The following ITGB8 variants were observed in gnomAD, a reference collection of about 807,000 sequenced individuals.
ITGB8 encodes integrin beta-8.
A neutral mutation model predicts 89.5 loss-of-function variants in ITGB8; 30 were observed. That is an observed-to-expected ratio of 0.34 (90% CI 0.25 to 0.45). The LOEUF is 0.45. Ranked by LOEUF, ITGB8 falls within the 20% of genes least tolerant of loss-of-function variation. The pLI is 1.00. For synonymous variants in ITGB8, 335 were observed against 320.4 expected (o/e 1.05, Z -0.49); for missense variants, 836 against 933.3 (o/e 0.90, Z 1.36).
chr7:20,401,623 A>C (rs547339610), intron 9 of ITGB8, 98 bp from the exon 10 acceptor site: 9 of 677,522 alleles, frequency 1.3e-5, no homozygotes, highest in Non-Finnish European at 2.0e-5. Flanking sequence ...AATTTCTCTA[A>C]GATGGTTTCT....
intron 3 of ITGB8, among the ~76,000 whole-genome samples, chr7:20,371,253 A>G (rs972732714): frequency 6.6e-6 from 1 of 152,208 alleles, no homozygotes; most frequent in African/African-American, 2.4e-5. Context: ...ATCCTTCTCA[A>G]AAGTATACAT....
At chr7:20,401,271 G>A (rs367984358) in intron 9 of ITGB8, among the ~76,000 whole-genome samples, 8 of 152,008 alleles carry the variant, frequency 5.3e-5, no homozygotes, top group Admixed American at 1.3e-4. Flanking sequence ...GAGCCACCAC[G>A]CCAGGCCTCA....
At position 20,406,070 on chromosome 7, in the gene ITGB8, T is replaced by C. The variant is rs1254991736; in HGVS notation, c.1922T>C (p.Met641Thr). The C allele has an allele frequency of 6.3e-7, 1 of 1,595,574 alleles. No homozygotes were observed. The highest frequency in any genetic ancestry group is 8.6e-7 in the Non-Finnish European group (1 of 1,163,138). ...YTACKENWNC[M>T]QCLHPHNLSQ... ...TCTGTTTCCCCTTGCAGGAATTGTA[T>C]GCAATGCCTTCACCCTCACAATTTG... The change falls in exon 12 of 14, where the codon ATG becomes ACG. Residue 641 changes from methionine to threonine, a missense_variant. Met to Thr is a moderately conservative substitution (Grantham distance 81). Coordinates refer to ENST00000222573, the MANE Select transcript of ITGB8 (RefSeq NM_002214.3).
chr7:20,379,051 G>A lies in ITGB8; in HGVS notation c.389G>A (p.Gly130Glu), dbSNP rs1786267950. 1 of 1,582,312 alleles carries A rather than the reference G, an allele frequency of 6.3e-7. No individual in the cohort carries two copies. The highest frequency in any genetic ancestry group is 1.8e-5 in the Admixed American group (1 of 54,588). The change falls in exon 4 of 14, where the codon GGA becomes GAA. Residue 130 changes from glycine (G) to glutamate (E), a missense_variant and splice_region_variant. By Grantham distance (98) the Gly-to-Glu change is moderately conservative. This residue lies in a region of ITGB8 where 182 missense variants were observed against 177.0 expected (regional missense o/e 1.03). Coordinates refer to ENST00000222573, the MANE Select transcript of ITGB8 (RefSeq NM_002214.3). ...TGATGTTTTTCTTCTATTGAACTAG[G>A]AGCCGAAGCTAATTTTATGCTGAAA... Reference protein sequence around the residue: ...PGEVSIQLRPGAEANFMLKVH... With the variant: ...PGEVSIQLRPEAEANFMLKVH...
intron 6 of ITGB8, among the ~76,000 whole-genome samples, chr7:20,389,475 G>C (rs1220774342): frequency 6.6e-6 from 1 of 152,170 alleles, no homozygotes; most frequent in Admixed American, 6.5e-5. Flanking sequence ...TTGGAAAGGG[G>C]AAGAGATTAA....
At chr7:20,342,845 C>T (rs754399139) in intron 1 of ITGB8, among the ~76,000 whole-genome samples, 1 of 152,102 alleles carries the variant, frequency 6.6e-6, no homozygotes, top group Non-Finnish European at 1.5e-5. Context: ...GTCATTTGTT[C>T]GCAAGTACGG....
At chr7:20,366,593 C>T (rs372119410) in intron 2 of ITGB8, 2 of 157,860 alleles carry the variant, frequency 1.3e-5, no homozygotes, top group Non-Finnish European at 2.8e-5. Flanking sequence ...GGTAAAACCC[C>T]ATCTCTACAA....
chr7:20,392,674 T>C (rs1786911587), intron 7 of ITGB8, among the ~76,000 whole-genome samples: 1 of 152,136 alleles, frequency 6.6e-6, no homozygotes, highest in African/African-American at 2.4e-5. Context: ...TCCACCCCAC[T>C]CCCAGGCCCT....
chr7:20,386,230 A>C (rs945458615), intron 6 of ITGB8, among the ~76,000 whole-genome samples: 8 of 134,512 alleles, frequency 5.9e-5, no homozygotes, highest in African/African-American at 2.3e-4. Context: ...CAAATTGTAA[A>C]CACTATGAGA....
At chr7:20,340,511 T>A (rs766242913) in intron 1 of ITGB8, among the ~76,000 whole-genome samples, 5 of 152,236 alleles carry the variant, frequency 3.3e-5, no homozygotes, top group Non-Finnish European at 7.3e-5. Context: ...AATGTTTTGG[T>A]GTTTTCCATG....
chr7:20,403,138 T>C (rs1378623352), intron 10 of ITGB8, among the ~76,000 whole-genome samples: 1 of 152,250 alleles, frequency 6.6e-6, no homozygotes, highest in East Asian at 1.9e-4. Context: ...TGGAAAATTG[T>C]CTTTTTATTC....
intron 8 of ITGB8, 26 bp from the exon 9 acceptor site, chr7:20,398,834 G>C: frequency 6.6e-7 from 1 of 1,508,564 alleles, no homozygotes; most frequent in Non-Finnish European, 8.9e-7. Flanking sequence ...ACTCTCGTAT[G>C]TAATTTAAAA....
intron 11 of ITGB8, 109 bp from the exon 12 acceptor site, chr7:20,405,953 T>TTTGAA: frequency 1.5e-6 from 1 of 654,048 alleles, no homozygotes; most frequent in Non-Finnish European, 2.7e-6. Flanking sequence ...ATAATCAAAA[T>TTTGAA]TTGAATTGTT....
intron 8 of ITGB8, among the ~76,000 whole-genome samples, chr7:20,397,579 T>C (rs1346852393): frequency 6.6e-6 from 1 of 152,230 alleles, no homozygotes; most frequent in Non-Finnish European, 1.5e-5. Flanking sequence ...AGGATGCTCA[T>C]TGCGTTAGGC....
Position 20,331,045 on chromosome 7 carries a change from GC to G in ITGB8, c.-758del. Reference sequence around the variant, plus strand: ...TCCCCTCCTGCGCTCGCAGCCGCAGGCCCCACTCCCCGCCAGGGAGGGAGCG... The same window carrying G: ...TCCCCTCCTGCGCTCGCAGCCGCAGGCCCACTCCCCGCCAGGGAGGGAGCG... On this transcript the variant is annotated 5_prime_UTR_variant, in exon 1 of 14. Transcript: ENST00000222573. 1 of 152,566 alleles carries G rather than the reference GC, an allele frequency of 6.6e-6. No homozygotes were observed. The highest frequency in any genetic ancestry group is 1.5e-5 in the Non-Finnish European group (1 of 68,180). 9.5% of individuals were successfully genotyped at this position (152,566 alleles called of 1,614,324 possible).
chr7:20,402,224 C>A, intron 10 of ITGB8, 98 bp downstream of exon 10: 2 of 1,054,124 alleles, frequency 1.9e-6, no homozygotes, highest in Non-Finnish European at 2.7e-6. Flanking sequence ...ATTAGCAAAA[C>A]TGAATCTGAA....
chr7:20,402,101 A>G lies in ITGB8; in HGVS notation c.1662A>G (p.Pro554=), dbSNP rs1421370177. 1.2e-6 allele frequency: 2 copies of G among 1,612,936 alleles called. No homozygotes were observed. Among genetic ancestry groups the G allele is most frequent in the African/African-American group, 1.3e-5 (1 of 75,046 alleles). ...KYCEKDDFSC[P]YHHGNLCAGH... ...GTGAAAAGGATGACTTTTCTTGTCC[A>G]TATCACCATGGAAATCTGTGTGCTG... is the stretch of plus-strand genomic sequence containing the variant. The change falls in exon 10 of 14, where the codon CCA becomes CCG. Residue 554 remains proline, a synonymous_variant. Transcript: ENST00000222573.
rs956939167 is a variant in ITGB8 at position 20,331,490 on chromosome 7, G to C, written c.-317G>C. 1 of 419,770 alleles carries C rather than the reference G, an allele frequency of 2.4e-6. No individual in the cohort carries two copies. Among genetic ancestry groups the C allele is most frequent in the African/African-American group, 2.1e-5 (1 of 48,678 alleles). The allele number at this position is 419,770 out of a possible 1,614,324, so 26.0% of individuals were successfully genotyped here. A position where few individuals can be genotyped will look rare whatever the true frequency, so the allele number is the denominator to read the frequency against. On this transcript the variant is annotated 5_prime_UTR_variant, in exon 1 of 14. Transcript: ENST00000222573. ...AACAAAAGCTCTTTTCTTTGTCCCG[G>C]AGCAGGCTGCGGAGCCCTTGCAGAG... is the stretch of plus-strand genomic sequence containing the variant.
chr7:20,391,199 G>A (rs1786839812), intron 6 of ITGB8, among the ~76,000 whole-genome samples: 1 of 151,768 alleles, frequency 6.6e-6, no homozygotes, highest in Non-Finnish European at 1.5e-5. Context: ...TAAGTTACAG[G>A]TTTTTATGGG....
Sources: allele counts gnomAD v4.1 joint callset (sites outside exome capture counted in the v4.1 genomes callset), GRCh38; gene constraint gnomAD v4.1.1; regional missense constraint gnomAD v4.1.1; transcripts MANE v1.5; gene names NCBI Gene and HGNC (gene_info 2026-07-23, HGNC 2026-07-21).